The following RIPK1 variants were observed in gnomAD, a reference collection of about 807,000 sequenced individuals.
The protein encoded by RIPK1 is receptor-interacting serine/threonine-protein kinase 1.
In RIPK1, 27 loss-of-function variants were observed where a neutral mutation model predicts 62.4. The ratio of observed to expected loss-of-function variants is 0.43; its 90% CI spans 0.32 to 0.60. The LOEUF (loss-of-function observed/expected upper bound fraction) is 0.60, where lower values mean the gene tolerates loss of function less well. RIPK1 is among the 20% of genes least tolerant of loss of function. The pLI is 0.07. For synonymous variants in RIPK1, 287 were observed against 303.2 expected (o/e 0.95, Z 0.55); for missense variants, 735 against 831.0 (o/e 0.88, Z 1.42).
chr6:3,102,992 C>T (rs930814518), intron 7 of RIPK1, among the ~76,000 whole-genome samples: 2 of 152,190 alleles, frequency 1.3e-5, no homozygotes, highest in Non-Finnish European at 2.9e-5. Flanking sequence ...AATTTCTCCA[C>T]CATCTTACCA....
rs17548343 is a variant in RIPK1, at chr6:3,079,110, C to T, written c.321+1175C>T. ...GGTATTTTTTTTTTTAGAGGAGTCT[C>T]GCTCTGTCGCCCAGGCTGGAGTGCA... On this transcript the variant is annotated intron_variant, in intron 3 of 10. Coordinates refer to ENST00000259808, the MANE Select transcript of RIPK1 (RefSeq NM_001354930.2). Among the ~76,000 whole-genome samples, 1,227 of 151,818 alleles carry T rather than the reference C, an allele frequency of 8.1e-3. 5 individuals carry two copies. The highest frequency in any genetic ancestry group is 0.028 in the African/African-American group (1,149 of 41,374).
chr6:3,078,095 G>A (rs549604767), intron 3 of RIPK1, among the ~76,000 whole-genome samples, 160 bp downstream of exon 3: 27 of 152,290 alleles, frequency 1.8e-4, no homozygotes, highest in Non-Finnish European at 3.5e-4. Flanking sequence ...ACAAGGTCTT[G>A]CTATGTTGCC....
chr6:3,075,849 T>A (rs974212291), intron 1 of RIPK1, among the ~76,000 whole-genome samples: 4 of 152,138 alleles, frequency 2.6e-5, no homozygotes, highest in Non-Finnish European at 5.9e-5. Context: ...CTTTTTTTTT[T>A]TTTTTTTAAT....
chr6:3,110,783 G>A lies in RIPK1; in HGVS notation c.1577-20G>A, dbSNP rs1761114838. ...GCTTTTGATCTAGAATTACTTACCT[G>A]TGTGTTTCTCTCTATGCAGATGAAT... On this transcript the variant is annotated intron_variant, in intron 9 of 10. Coordinates refer to ENST00000259808, the MANE Select transcript of RIPK1 (RefSeq NM_001354930.2). 2.7e-6 allele frequency: 4 copies of A among 1,495,922 alleles called. No homozygotes were observed. The highest frequency in any genetic ancestry group is 3.7e-6 in the Non-Finnish European group (4 of 1,089,918). 92.7% of individuals were successfully genotyped at this position (1,495,922 alleles called of 1,614,324 possible). A position where few individuals can be genotyped will look rare whatever the true frequency, so the allele number is the denominator to read the frequency against.
intron 10 of RIPK1, among the ~76,000 whole-genome samples, chr6:3,111,405 A>G (rs984690346): frequency 3.3e-5 from 5 of 151,664 alleles, no homozygotes; most frequent in African/African-American, 7.3e-5. Context: ...ATAGGGTTCT[A>G]TGGTGCAGCC....
chr6:3,074,421 T>G (rs1472201423), intron 1 of RIPK1, among the ~76,000 whole-genome samples: 2 of 152,260 alleles, frequency 1.3e-5, no homozygotes, highest in Non-Finnish European at 2.9e-5. Context: ...TACACCAGTG[T>G]GTTCACTCAT....
chr6:3,075,263 AGTG>A (rs1758990917), intron 1 of RIPK1, among the ~76,000 whole-genome samples: 1 of 152,170 alleles, frequency 6.6e-6, no homozygotes, highest in Admixed American at 6.5e-5. Context: ...GTAGTTGTGT[AGTG>A]GTGTCTCCTT....
chr6:3,112,675 C>T (rs1448492601), intron 10 of RIPK1, among the ~76,000 whole-genome samples: 1 of 152,178 alleles, frequency 6.6e-6, no homozygotes, highest in Non-Finnish European at 1.5e-5. Context: ...GGACTACAGG[C>T]ATGTGCCACC....
chr6:3,066,848 G>A (rs1271452631), upstream of RIPK1, among the ~76,000 whole-genome samples: 3 of 152,036 alleles, frequency 2.0e-5, no homozygotes, highest in East Asian at 1.9e-4. Context: ...ACCCTGTAAC[G>A]TCAGACTCCA....
upstream of RIPK1, among the ~76,000 whole-genome samples, chr6:3,066,914 C>A (rs1758403057): frequency 6.6e-6 from 1 of 152,184 alleles, no homozygotes; most frequent in African/African-American, 2.4e-5. Flanking sequence ...CTGCAAATCC[C>A]TGGCAGCCGC....
At position 3,083,194 on chromosome 6, in the gene RIPK1, T is replaced by C; in HGVS notation, c.569T>C (p.Leu190Pro). 1 of 1,614,026 alleles carries C rather than the reference T, an allele frequency of 6.2e-7. No homozygotes were observed. Among genetic ancestry groups the C allele is most frequent in the Non-Finnish European group, 8.5e-7 (1 of 1,179,994 alleles). ...DGTAKKNGGT[L>P]YYMAPEHLND... ...ACCGCTAAGAAGAATGGCGGCACCC[T>C]CTACTACATGGCGCCCGAGCACCTG... Residue 190 changes from leucine to proline, a missense_variant, in exon 5 of 11, where the codon CTC becomes CCC. Coordinates refer to ENST00000259808, the MANE Select transcript of RIPK1 (RefSeq NM_001354930.2).
In RIPK1 at chr6:3,095,828, T is replaced by C. The variant is rs539593707; in HGVS notation, c.915+6171T>C. Among the ~76,000 whole-genome samples the C allele has an allele frequency of 9.3e-5, 14 of 150,488 alleles. No homozygotes were observed. In the South Asian group the frequency reaches 1.5e-3, roughly 16 times the overall value. ...ACGAACAGAAGTTTTGTACTTATTTTAACAAAATGTTAACAGCCTTTTTTT... is the reference window on the plus strand; with the variant it reads ...ACGAACAGAAGTTTTGTACTTATTTCAACAAAATGTTAACAGCCTTTTTTT... On this transcript the variant is annotated intron_variant, in intron 7 of 10. Coordinates refer to ENST00000259808, the MANE Select transcript of RIPK1 (RefSeq NM_001354930.2).
At chr6:3,090,726 G>A (rs1333606757) in intron 7 of RIPK1, among the ~76,000 whole-genome samples, 4 of 152,138 alleles carry the variant, frequency 2.6e-5, no homozygotes, top group Non-Finnish European at 4.4e-5. Flanking sequence ...TTGACGTAAC[G>A]GAAACACAGG....
At chr6:3,096,761 G>A (rs1190416194) in intron 7 of RIPK1, among the ~76,000 whole-genome samples, 4 of 149,856 alleles carry the variant, frequency 2.7e-5, no homozygotes, top group Non-Finnish European at 4.4e-5. Flanking sequence ...GTGTTTCACC[G>A]TGTCAGCTAA....
chr6:3,111,020 T>C (rs1338871182), intron 10 of RIPK1, 65 bp downstream of exon 10: 18 of 1,139,016 alleles, frequency 1.6e-5, no homozygotes, highest in Middle Eastern at 2.1e-4. Flanking sequence ...GAGAAGGACA[T>C]AGTGGAATCT....
upstream of RIPK1, among the ~76,000 whole-genome samples, chr6:3,065,952 A>G (rs1758361417): frequency 1.3e-5 from 2 of 152,186 alleles, no homozygotes; most frequent in African/African-American, 4.8e-5. Context: ...AGGTCACATG[A>G]TGTCTAGAGG....
chr6:3,083,385 C>A, intron 5 of RIPK1, 72 bp downstream of exon 5: 1 of 1,317,118 alleles, frequency 7.6e-7, no homozygotes, highest in Non-Finnish European at 1.0e-6. Flanking sequence ...CTAATAGGTG[C>A]CCAGTAAATT....
At chr6:3,087,713 G>A (rs1759789788) in intron 6 of RIPK1, among the ~76,000 whole-genome samples, 1 of 151,848 alleles carries the variant, frequency 6.6e-6, no homozygotes, top group African/African-American at 2.4e-5. Flanking sequence ...CTAATTTTTT[G>A]TATTTTTAGT....
At chr6:3,109,109 C>T (rs1301162077) in intron 9 of RIPK1, among the ~76,000 whole-genome samples, 1 of 152,164 alleles carries the variant, frequency 6.6e-6, no homozygotes, top group Non-Finnish European at 1.5e-5. Flanking sequence ...TACCAAGGCC[C>T]AGGCTAGCGA....
Sources: gnomAD v4.1 joint callset for allele counts (sites outside exome capture counted in the v4.1 genomes callset) on GRCh38, gnomAD v4.1.1 for gene constraint, MANE v1.5 for transcripts, NCBI Gene and HGNC (gene_info 2026-07-23, HGNC 2026-07-21) for gene names.